The following MAST4 variants were observed in gnomAD, a reference collection of about 807,000 sequenced individuals.
MAST4 encodes microtubule associated serine/threonine kinase family member 4.
In MAST4, 89 loss-of-function variants were observed where a neutral mutation model predicts 162.7. The observed-to-expected ratio is 0.55, with a 90% confidence interval of 0.46 to 0.65. The LOEUF (loss-of-function observed/expected upper bound fraction) is 0.65, where lower values mean the gene tolerates loss of function less well. Among genes scored for constraint, MAST4 ranks in the 30% least tolerant of loss-of-function variants. MAST4 has a pLI of 0.00. For missense variants in MAST4, 3,153 were observed against 3,374.0 expected (o/e 0.93, Z 1.62); for synonymous variants, 1,479 against 1,361.1 (o/e 1.09, Z -1.91).
intron 2 of MAST4, among the ~76,000 whole-genome samples, chr5:66,762,080 C>T (rs182745176): frequency 7.2e-5 from 11 of 152,234 alleles, no homozygotes; most frequent in Middle Eastern, 3.4e-3. Flanking sequence ...TATATGATCT[C>T]AAACATGAAA....
rs1352432722 is a variant in MAST4, at chr5:67,149,525, G to T, written c.3231G>T (p.Lys1077Asn). 6.2e-7 allele frequency: 1 copy of T among 1,613,684 alleles called. No individual in the cohort carries two copies. The highest frequency in any genetic ancestry group is 1.1e-5 in the South Asian group (1 of 90,964). Residue 1077 changes from lysine to asparagine, a missense_variant, in exon 24 of 29, where the codon AAG (lysine) becomes AAT (asparagine). Lys to Asn is a moderately conservative substitution (Grantham distance 94). Coordinates refer to ENST00000403625, the MANE Select transcript of MAST4 (RefSeq NM_001164664.2). The stretch of plus-strand genomic sequence containing the variant: ...AGCGATTAGAAAGCACAGAAAAAAA[G>T]AAAATCTCGGGGAAAGTCACAAAGT... ...ARQRLESTEK[K>N]KISGKVTKSL...
At chr5:66,952,688 T>C (rs1744847908) in intron 4 of MAST4, among the ~76,000 whole-genome samples, 1 of 152,170 alleles carries the variant, frequency 6.6e-6, no homozygotes, top group Non-Finnish European at 1.5e-5. Context: ...CACACGGCCT[T>C]TCTGATGTGC....
chr5:67,027,397 G>T (rs1187803220), intron 4 of MAST4, among the ~76,000 whole-genome samples: 2 of 152,106 alleles, frequency 1.3e-5, no homozygotes, highest in African/African-American at 4.8e-5. Flanking sequence ...ACAGATGAAC[G>T]TAAATACACG....
chr5:66,865,820 A>AAG (rs1760472344), intron 3 of MAST4, among the ~76,000 whole-genome samples: 5 of 152,182 alleles, frequency 3.3e-5, no homozygotes, highest in Admixed American at 6.5e-5. Flanking sequence ...CACGCCTGTA[A>AAG]TCCCAGCACT....
chr5:67,074,869 T>C (rs1226075784), intron 5 of MAST4, among the ~76,000 whole-genome samples: 1 of 152,218 alleles, frequency 6.6e-6, no homozygotes, highest in African/African-American at 2.4e-5. Context: ...AAAAAGTTAT[T>C]TTAAAGGTGA....
intron 1 of MAST4, among the ~76,000 whole-genome samples, chr5:66,681,773 A>C (rs28464246): frequency 0.21 from 32,661 of 152,186 alleles, 4,092 homozygotes; most frequent in East Asian, 0.32. Context: ...ACCCACCTGT[A>C]TCTCTGCTGT....
chr5:66,883,480 G>C (rs183271516), intron 3 of MAST4, among the ~76,000 whole-genome samples: 1 of 144,046 alleles, frequency 6.9e-6, no homozygotes, highest in Non-Finnish European at 1.5e-5. Context: ...CCAGGCTGGA[G>C]TGCAGTGGCG....
Position 67,142,095 on chromosome 5 carries a change from C to A in MAST4, c.2495-20C>A, listed in dbSNP as rs1176821911. The A allele has an allele frequency of 6.2e-7, 1 of 1,611,440 alleles. No individual in the cohort carries two copies. Among genetic ancestry groups the A allele is most frequent in the Non-Finnish European group, 8.5e-7 (1 of 1,178,044 alleles). Reference sequence around the variant, plus strand: ...GATAGTTTAACACTTTCCTCTCTGTCTCTACCTGCCCCCTTCCAGGTGGTG... The same window carrying A: ...GATAGTTTAACACTTTCCTCTCTGTATCTACCTGCCCCCTTCCAGGTGGTG... On this transcript the variant is annotated intron_variant, in intron 19 of 28. Transcript: ENST00000403625.
rs4502771 is a variant in MAST4 at position 66,596,620 on chromosome 5, C to G, written c.-36C>G. The G allele has an allele frequency of 0.29, 400,189 of 1,393,782 alleles. 58,299 individuals are homozygous for G. Among genetic ancestry groups the G allele is most frequent in the Admixed American group, 0.39 (13,157 of 33,420 alleles). The allele number at this position is 1,393,782 out of a possible 1,614,324, so 86.3% of individuals were successfully genotyped here. A position where few individuals can be genotyped will look rare whatever the true frequency, so the allele number is the denominator to read the frequency against. Reference sequence around the variant, plus strand: ...GAGGCGCTGAGTGCGCGCCGCGCCCCCGCCGCTCGGGAGGCACTTTGGGCC... The same window carrying G: ...GAGGCGCTGAGTGCGCGCCGCGCCCGCGCCGCTCGGGAGGCACTTTGGGCC... On this transcript the variant is annotated 5_prime_UTR_variant, in exon 1 of 29. Coordinates refer to ENST00000403625, the MANE Select transcript of MAST4 (RefSeq NM_001164664.2).
At chr5:67,145,860 A>G (rs1312844318) in intron 23 of MAST4, among the ~76,000 whole-genome samples, 1 of 152,130 alleles carries the variant, frequency 6.6e-6, no homozygotes, top group Non-Finnish European at 1.5e-5. Context: ...ATTGAAATGG[A>G]TGGTTGTTTC....
chr5:67,066,099 G>C (rs1760196483), intron 5 of MAST4, among the ~76,000 whole-genome samples: 1 of 151,556 alleles, frequency 6.6e-6, no homozygotes, highest in African/African-American at 2.4e-5. Flanking sequence ...TAGTTTTAGG[G>C]GGGAGAGATG....
At chr5:66,781,767 A>T (rs1402150694) in intron 2 of MAST4, among the ~76,000 whole-genome samples, 6 of 152,200 alleles carry the variant, frequency 3.9e-5, no homozygotes, top group African/African-American at 1.4e-4. Flanking sequence ...ATCACCCAAA[A>T]TTTAAGACTA....
intron 2 of MAST4, among the ~76,000 whole-genome samples, chr5:66,773,031 G>C (rs535127464): frequency 6.6e-6 from 1 of 152,084 alleles, no homozygotes; most frequent in Non-Finnish European, 1.5e-5. Context: ...CCTGTCACTC[G>C]AGCATACCCA....
chr5:67,033,394 C>G (rs1453049095), intron 4 of MAST4, among the ~76,000 whole-genome samples: 7 of 121,714 alleles, frequency 5.8e-5, no homozygotes, highest in Non-Finnish European at 1.2e-4. Flanking sequence ...TTTGAAGAAA[C>G]TATACAGGCA....
chr5:67,109,390 C>T (rs1765957568), intron 10 of MAST4, among the ~76,000 whole-genome samples: 1 of 152,052 alleles, frequency 6.6e-6, no homozygotes, highest in African/African-American at 2.4e-5. Context: ...TACCTTCAGG[C>T]TCTGTGTATT....
At chr5:66,883,747 G>A (rs757556134) in intron 3 of MAST4, among the ~76,000 whole-genome samples, 1 of 152,196 alleles carries the variant, frequency 6.6e-6, no homozygotes, top group African/African-American at 2.4e-5. Flanking sequence ...CATGGACATG[G>A]TAACACTCCT....
chr5:66,710,987 C>T (rs1750461919), intron 1 of MAST4, among the ~76,000 whole-genome samples: 1 of 152,156 alleles, frequency 6.6e-6, no homozygotes, highest in Non-Finnish European at 1.5e-5. Flanking sequence ...CCAGAAGCAT[C>T]CTCATCTCCT....
intron 1 of MAST4, among the ~76,000 whole-genome samples, chr5:66,617,742 C>T (rs1743791846): frequency 6.6e-6 from 1 of 152,144 alleles, no homozygotes; most frequent in Non-Finnish European, 1.5e-5. Flanking sequence ...CCACAATCCA[C>T]CCCTCCGCAT....
At chr5:67,121,279 T>G (rs1053114010) in intron 14 of MAST4, among the ~76,000 whole-genome samples, 177 bp downstream of exon 14, 1 of 152,116 alleles carries the variant, frequency 6.6e-6, no homozygotes, top group African/African-American at 2.4e-5. Flanking sequence ...GGACACCTCA[T>G]CAGAAAACAT....
Sources: allele counts gnomAD v4.1 joint callset (sites outside exome capture counted in the v4.1 genomes callset), GRCh38; gene constraint gnomAD v4.1.1; transcripts MANE v1.5; gene names NCBI Gene and HGNC (gene_info 2026-07-23, HGNC 2026-07-21).